EPHB2: variants seen among roughly 807,000 people sequenced by gnomAD.
EPHB2 encodes EPH receptor B2.
A neutral mutation model predicts 96.4 loss-of-function variants in EPHB2; 18 were observed. That is an observed-to-expected ratio of 0.19 (90% confidence interval 0.13 to 0.28). The LOEUF (loss-of-function observed/expected upper bound fraction) is 0.28, where lower values mean the gene tolerates loss of function less well. EPHB2 is among the 10% of genes least tolerant of loss of function. The pLI is 1.00. For synonymous variants in EPHB2, 506 were observed against 534.1 expected (o/e 0.95, Z 0.72); for missense variants, 989 against 1,355.4 (o/e 0.73, Z 4.25).
chr1:22,886,760 G>A (rs1570439799), intron 6 of EPHB2, among the ~76,000 whole-genome samples: 1 of 151,584 alleles, frequency 6.6e-6, no homozygotes, highest in South Asian at 2.1e-4. Flanking sequence ...GCAAGTAGCT[G>A]GAATTACAGG....
Position 22,733,015 on chromosome 1 carries a change from T to C in EPHB2, c.61+21972T>C, listed in dbSNP as rs768791327. ...TTTTAATCCAGGACTGTCCAGACTC[T>C]CTGTATGTTCCCCCTCCTAGGCTGC... On this transcript the variant is annotated intron_variant, in intron 1 of 15. Transcript: ENST00000374630. This position sits in a 1 kb window ranked among gnomAD's most constrained non-coding sequence, Gnocchi z 4.6. Among the ~76,000 whole-genome samples the C allele has an allele frequency of 1.3e-5, 2 of 152,194 alleles. No homozygotes were observed. Among genetic ancestry groups the C allele is most frequent in the African/African-American group, 2.4e-5 (1 of 41,450 alleles).
Position 22,908,091 on chromosome 1 carries a change from G to A in EPHB2, c.2275G>A (p.Val759Ile), listed in dbSNP as rs201156841. ...CAACATCCTCGTCAACAGCAACCTGGTCTGCAAGGTGTCGGACTTTGGGCT... is the reference window on the plus strand; with the variant it reads ...CAACATCCTCGTCAACAGCAACCTGATCTGCAAGGTGTCGGACTTTGGGCT... Reference protein sequence around the residue: ...ARNILVNSNLVCKVSDFGLSR... With the variant: ...ARNILVNSNLICKVSDFGLSR... Residue 759 changes from valine to isoleucine, a missense_variant, in exon 12 of 16, where the codon GTC becomes ATC. Physicochemically the swap from Val to Ile is conservative, Grantham distance 29. Coordinates refer to ENST00000374630, the MANE Select transcript of EPHB2 (RefSeq NM_017449.5). The A allele has an allele frequency of 5.0e-6, 8 of 1,614,250 alleles. No individual in the cohort carries two copies. Among genetic ancestry groups the A allele is most frequent in the Non-Finnish European group, 5.9e-6 (7 of 1,180,054 alleles).
At position 22,914,872 on chromosome 1, in the gene EPHB2, T is replaced by G. The variant is rs1349047972; in HGVS notation, c.*1302T>G. On this transcript the variant is annotated 3_prime_UTR_variant, in exon 16 of 16. Transcript: ENST00000374630. ...AGGACTGTTGATGAAAGGGACAGAT[T>G]GAGGAGGAAGTGGGCTCTGAGGCTG... 3 of 152,544 alleles carry G rather than the reference T, an allele frequency of 2.0e-5. No individual in the cohort carries two copies. Among genetic ancestry groups the G allele is most frequent in the Non-Finnish European group, 2.9e-5 (2 of 68,048 alleles). 9.4% of individuals were successfully genotyped at this position (152,544 alleles called of 1,614,324 possible). A position where few individuals can be genotyped will look rare whatever the true frequency, so the allele number is the denominator to read the frequency against.
chr1:22,725,469 TAAAC>T (rs1333686328), intron 1 of EPHB2, among the ~76,000 whole-genome samples: 1 of 151,892 alleles, frequency 6.6e-6, no homozygotes, highest in Non-Finnish European at 1.5e-5. Flanking sequence ...AATGGATAAA[TAAAC>T]AAACACCAAA....
intron 1 of EPHB2, among the ~76,000 whole-genome samples, chr1:22,751,978 C>T (rs1434463561): frequency 6.6e-6 from 1 of 152,224 alleles, no homozygotes; most frequent in Non-Finnish European, 1.5e-5. Flanking sequence ...ACCCTGTGCA[C>T]AGTGACACCA....
At position 22,913,963 on chromosome 1, in the gene EPHB2, A is replaced by G; in HGVS notation, c.*393A>G. The G allele has an allele frequency of 6.9e-7, 1 of 1,439,216 alleles. No homozygotes were observed. Among genetic ancestry groups the G allele is most frequent in the East Asian group, 2.5e-5 (1 of 40,498 alleles). The allele number at this position is 1,439,216 out of a possible 1,614,324, so 89.2% of individuals were successfully genotyped here. Reference sequence around the variant, plus strand: ...CTGGGAAGGTGACCTGGCCAGAGCCAAGAAACACTTTCAGAAAAACAAATG... The same window carrying G: ...CTGGGAAGGTGACCTGGCCAGAGCCGAGAAACACTTTCAGAAAAACAAATG... On this transcript the variant is annotated 3_prime_UTR_variant, in exon 16 of 16. Transcript: ENST00000374630. This position sits in a 1 kb window ranked among gnomAD's most constrained non-coding sequence, Gnocchi z 4.1.
intron 3 of EPHB2, among the ~76,000 whole-genome samples, chr1:22,833,128 C>CT (rs925164381): frequency 2.7e-5 from 4 of 149,168 alleles, no homozygotes; most frequent in Non-Finnish European, 5.9e-5. Flanking sequence ...TTTTCTTTTT[C>CT]TTTTTTTGAG....
chr1:22,883,116 G>T (rs777833898), intron 6 of EPHB2, among the ~76,000 whole-genome samples: 1 of 152,234 alleles, frequency 6.6e-6, no homozygotes, highest in Non-Finnish European at 1.5e-5. Flanking sequence ...GTGACCTTGG[G>T]CAGGCGTCTT....
At chr1:22,808,950 G>C (rs1472413191) in intron 3 of EPHB2, among the ~76,000 whole-genome samples, 1 of 152,234 alleles carries the variant, frequency 6.6e-6, no homozygotes, top group Non-Finnish European at 1.5e-5. Flanking sequence ...CCTGCGGGCT[G>C]CTGGGCATCC....
Position 22,912,539 on chromosome 1 carries a change from A to C in EPHB2, c.2792A>C (p.Lys931Thr), listed in dbSNP as rs1406319873. The change falls in exon 15 of 16, where the codon AAG becomes ACG. Residue 931 changes from lysine (K) to threonine (T), a missense_variant. Lys to Thr is a moderately conservative substitution (Grantham distance 78). Transcript: ENST00000374630. ...WLEAIKMGQY[K>T]ESFANAGFTS... is the part of the protein sequence containing the mutation. ...GAGGCCATCAAGATGGGGCAGTACA[A>C]GGAGAGCTTCGCCAATGCCGGCTTC... The C allele has an allele frequency of 2.5e-6, 4 of 1,614,004 alleles. No homozygotes were observed. Among genetic ancestry groups the C allele is most frequent in the Non-Finnish European group, 3.4e-6 (4 of 1,180,034 alleles).
rs557117465 is a variant in EPHB2 at position 22,882,210 on chromosome 1, G to A, written c.1304-149G>A. 7.2e-6 allele frequency: 10 copies of A among 1,389,058 alleles called. No homozygotes were observed. In the East Asian group the frequency reaches 2.5e-4, roughly 35 times the overall value. 86.0% of individuals were successfully genotyped at this position (1,389,058 alleles called of 1,614,324 possible). A position where few individuals can be genotyped will look rare whatever the true frequency, so the allele number is the denominator to read the frequency against. On this transcript the variant is annotated intron_variant, in intron 5 of 15. Coordinates refer to ENST00000374630, the MANE Select transcript of EPHB2 (RefSeq NM_017449.5). Reference sequence around the variant, plus strand: ...GCATGAGCCCCTCTGCCCCCTGTCGGCTCCCCGAGACTGGCTCTGTGGCCT... The same window carrying A: ...GCATGAGCCCCTCTGCCCCCTGTCGACTCCCCGAGACTGGCTCTGTGGCCT...
At chr1:22,725,488 A>G (rs768043744) in intron 1 of EPHB2, among the ~76,000 whole-genome samples, 23 of 151,978 alleles carry the variant, frequency 1.5e-4, no homozygotes, top group Non-Finnish European at 1.8e-4. Context: ...ACCAAAAACC[A>G]GAGTGCATTT....
At chr1:22,761,183 C>T (rs975816159) in intron 1 of EPHB2, among the ~76,000 whole-genome samples, 1 of 152,168 alleles carries the variant, frequency 6.6e-6, no homozygotes, top group Admixed American at 6.5e-5. Flanking sequence ...GTTTTTAAAA[C>T]GTGCCTGAGT....
rs1308001882 is a variant in EPHB2, at chr1:22,858,268, T to C, written c.812-4769T>C. Among the ~76,000 whole-genome samples the C allele has an allele frequency of 1.3e-5, 2 of 152,066 alleles. No homozygotes were observed. The highest frequency in any genetic ancestry group is 2.9e-5 in the Non-Finnish European group (2 of 67,982). On this transcript the variant is annotated intron_variant, in intron 3 of 15. Transcript: ENST00000374630. The surrounding 1 kb of genome is among the most constrained non-coding windows in gnomAD (Gnocchi z 7.7). ...GTCCAGGAGACCATCAGGACCAACC[T>C]CACAGGCCTTGTAGCCAGGCTAGGC...
chr1:22,885,670 T>C (rs309477), intron 6 of EPHB2, among the ~76,000 whole-genome samples: 60,748 of 152,046 alleles, frequency 0.4, 13,557 homozygotes, highest in Non-Finnish European at 0.5. Context: ...TTTACTTGGC[T>C]CTCCTGCCTC....
intron 3 of EPHB2, among the ~76,000 whole-genome samples, chr1:22,818,640 A>G (rs1309906965): frequency 6.6e-6 from 1 of 152,120 alleles, no homozygotes; most frequent in Non-Finnish European, 1.5e-5. Flanking sequence ...ATGCTGTGCA[A>G]CTGGGATGTG....
intron 3 of EPHB2, among the ~76,000 whole-genome samples, chr1:22,800,526 G>A (rs1644826927): frequency 1.3e-5 from 2 of 152,220 alleles, no homozygotes; most frequent in African/African-American, 2.4e-5. Flanking sequence ...ACACGCCACT[G>A]CTGTTGAGTA....
intron 1 of EPHB2, among the ~76,000 whole-genome samples, chr1:22,740,628 C>G (rs996553838): frequency 2.6e-5 from 4 of 152,228 alleles, no homozygotes; most frequent in Non-Finnish European, 5.9e-5. Flanking sequence ...TCACCAGGGC[C>G]TCGTGTCCCA....
chr1:22,862,744 C>G (rs1171017791), intron 3 of EPHB2, among the ~76,000 whole-genome samples: 2 of 152,172 alleles, frequency 1.3e-5, no homozygotes, highest in Admixed American at 6.5e-5. Context: ...TGCCTCCTAA[C>G]TAGGTCAGGA....
Sources: allele counts gnomAD v4.1 joint callset (sites outside exome capture counted in the v4.1 genomes callset), GRCh38; gene constraint gnomAD v4.1.1; non-coding constraint Gnocchi (gnomAD v3.1); transcripts MANE v1.5; gene names NCBI Gene and HGNC (gene_info 2026-07-23, HGNC 2026-07-21).